ATP2C2: variants seen among roughly 807,000 people sequenced by gnomAD.
ATP2C2 encodes ATPase secretory pathway Ca2+ transporting 2, also known as calcium-transporting ATPase type 2C member 2.
ATP2C2 carries 171 observed loss-of-function variants against 110.8 expected under a neutral mutation model. The observed-to-expected ratio is 1.54, with a 90% CI of 1.36 to 1.75. The LOEUF (loss-of-function observed/expected upper bound fraction) is 1.75. ATP2C2 is among the 40% of genes most tolerant of loss of function. The pLI is 0.00. For missense variants in ATP2C2, 1,963 were observed against 1,235.0 expected (o/e 1.59, Z -8.84); for synonymous variants, 804 against 508.4 (o/e 1.58, Z -7.82).
Position 84,452,690 on chromosome 16 carries a change from G to A in ATP2C2, c.1832-448G>A, listed in dbSNP as rs181004819. Among the ~76,000 whole-genome samples the A allele has an allele frequency of 7.9e-5, 12 of 152,042 alleles. No homozygotes were observed. In the East Asian group the frequency reaches 1.9e-3, roughly 25 times the overall value. On this transcript the variant is annotated intron_variant, in intron 18 of 26. Coordinates refer to ENST00000262429, the MANE Select transcript of ATP2C2 (RefSeq NM_014861.4). ...ATTTTTTGTATTTTAGTAGAGACGGGGTTTCACTGTGTTGCCCAGGCTGGT... is the reference window on the plus strand; with the variant it reads ...ATTTTTTGTATTTTAGTAGAGACGGAGTTTCACTGTGTTGCCCAGGCTGGT...
rs1909200903 is a variant in ATP2C2 at position 84,440,969 on chromosome 16, A to G, written c.1311+11A>G. 1.3e-6 allele frequency: 2 copies of G among 1,598,634 alleles called. No individual in the cohort carries two copies. Among genetic ancestry groups the G allele is most frequent in the South Asian group, 2.2e-5 (2 of 89,338 alleles). Reference sequence around the variant, plus strand: ...GGAAAGTTAGTGGAGGTAGGTGTCAAAAGCGCCATGAGGGAAATAGGCATT... The same window carrying G: ...GGAAAGTTAGTGGAGGTAGGTGTCAGAAGCGCCATGAGGGAAATAGGCATT... On this transcript the variant is annotated intron_variant, in intron 14 of 26. Coordinates refer to ENST00000262429, the MANE Select transcript of ATP2C2 (RefSeq NM_014861.4).
At chr16:84,448,816 C>T in intron 17 of ATP2C2, 127 bp downstream of exon 17, 1 of 1,293,086 alleles carries the variant, frequency 7.7e-7, no homozygotes, top group Non-Finnish European at 1.1e-6. Context: ...ATGCTGACGG[C>T]AATAATGTGT....
chr16:84,430,876 C>G (rs2150555448), intron 11 of ATP2C2, among the ~76,000 whole-genome samples: 1 of 152,170 alleles, frequency 6.6e-6, no homozygotes, highest in South Asian at 2.1e-4. Context: ...GAAGCCTGAT[C>G]CAAAGCCGGG....
rs533445597 is a variant in ATP2C2 at position 84,452,030 on chromosome 16, C to T, written c.1770C>T (p.Ser590=). Residue 590 remains serine (S), a synonymous_variant, in exon 18 of 27, where the codon TCC becomes TCT. Transcript: ENST00000262429. ...VGVKEAVQVL[S]ESGVSVKMIT... Reference sequence around the variant, plus strand: ...TGAAGGAAGCAGTCCAGGTTCTCTCCGAGTCTGGTGTGTCTGTGAAGATGA... The same window carrying T: ...TGAAGGAAGCAGTCCAGGTTCTCTCTGAGTCTGGTGTGTCTGTGAAGATGA... 34 of 1,613,736 alleles carry T rather than the reference C, an allele frequency of 2.1e-5. No individual in the cohort carries two copies. In the East Asian group the frequency reaches 3.8e-4, roughly 18 times the overall value.
rs751719551 is a variant in ATP2C2, at chr16:84,463,664, C to T, written c.2773C>T (p.Leu925Phe). Residue 925 changes from leucine to phenylalanine, a missense_variant, in exon 27 of 27, where the codon CTC becomes TTC. Physicochemically the swap from Leu to Phe is conservative, Grantham distance 22. Transcript: ENST00000262429. ...LASSVFILSE[L>F]LKLCEKYCCS... is the part of the protein sequence containing the mutation. The stretch of plus-strand genomic sequence containing the variant: ...CTCATCCGTCTTCATTTTGTCAGAG[C>T]TCCTCAAACTATGTGAAAAATACTG... 2 of 1,614,098 alleles carry T rather than the reference C, an allele frequency of 1.2e-6. No homozygotes were observed. Among genetic ancestry groups the T allele is most frequent in the Admixed American group, 1.7e-5 (1 of 60,004 alleles).
intron 1 of ATP2C2, among the ~76,000 whole-genome samples, chr16:84,375,291 C>T (rs1910185917): frequency 1.3e-5 from 2 of 152,130 alleles, no homozygotes; most frequent in African/African-American, 4.8e-5. Context: ...CCTGTAATCC[C>T]AGCACTTTGG....
chr16:84,409,710 C>T (rs1423110827), intron 4 of ATP2C2, among the ~76,000 whole-genome samples: 1 of 151,870 alleles, frequency 6.6e-6, no homozygotes. Context: ...CCTGTGTTGG[C>T]CAGGCTGATG....
chr16:84,460,677 A>C lies in ATP2C2; in HGVS notation c.2357A>C (p.Lys786Thr), dbSNP rs763648114. The change falls in exon 24 of 27, where the codon AAA becomes ACA. Residue 786 changes from lysine (K) to threonine (T), a missense_variant. Physicochemically the swap from Lys to Thr is moderately conservative, Grantham distance 78. Coordinates refer to ENST00000262429, the MANE Select transcript of ATP2C2 (RefSeq NM_014861.4). Reference sequence around the variant, plus strand: ...AGCTTGGGGGTAGAGCCCGTTGACAAAGACGCCTTCAGGCAGCCACCACGG... The same window carrying C: ...AGCTTGGGGGTAGAGCCCGTTGACACAGACGCCTTCAGGCAGCCACCACGG... ...AQSLGVEPVDKDAFRQPPRSV... is the reference protein window; with the variant it reads ...AQSLGVEPVDTDAFRQPPRSV... 1.2e-6 allele frequency: 2 copies of C among 1,614,192 alleles called. No homozygotes were observed. The highest frequency in any genetic ancestry group is 3.3e-5 in the Admixed American group (2 of 60,022).
At position 84,446,402 on chromosome 16, in the gene ATP2C2, T is replaced by A; in HGVS notation, c.1475T>A (p.Met492Lys). ...EIPFSSEQKW[M>K]AVKCSLKTED... is the part of the protein sequence containing the mutation. ...CCATTCAGTTCAGAGCAGAAGTGGA[T>A]GGCGGTGAAATGCAGTCTGAAGACT... Residue 492 changes from methionine to lysine, a missense_variant, in exon 16 of 27, where the codon ATG becomes AAG. Transcript: ENST00000262429. 6.2e-7 allele frequency: 1 copy of A among 1,606,882 alleles called. No individual in the cohort carries two copies.
At chr16:84,391,044 G>A (rs1049213973) in intron 1 of ATP2C2, among the ~76,000 whole-genome samples, 2 of 144,104 alleles carry the variant, frequency 1.4e-5, no homozygotes, top group Non-Finnish European at 3.0e-5. Context: ...AGCCCTGGGG[G>A]CAGAGGTTGC....
chr16:84,417,370 G>A (rs1191032330), intron 7 of ATP2C2, among the ~76,000 whole-genome samples: 2 of 152,138 alleles, frequency 1.3e-5, no homozygotes, highest in East Asian at 3.9e-4. Context: ...CTCTAAAAGG[G>A]GCTGATGTTG....
intron 3 of ATP2C2, chr16:84,406,506 T>A: frequency 1.2e-6 from 1 of 829,804 alleles, no homozygotes; most frequent in African/African-American, 1.9e-5. Context: ...CCTCCATTGG[T>A]CGATTCCGGA....
At chr16:84,449,618 C>T (rs765807530) in intron 17 of ATP2C2, among the ~76,000 whole-genome samples, 6 of 152,170 alleles carry the variant, frequency 3.9e-5, no homozygotes, top group Admixed American at 6.5e-5. Flanking sequence ...CCAGGCCCAG[C>T]TTCTGCGAGC....
chr16:84,405,309 C>T, intron 3 of ATP2C2, 65 bp downstream of exon 3: 1 of 1,391,666 alleles, frequency 7.2e-7, no homozygotes, highest in Non-Finnish European at 1.0e-6. Context: ...GGCAGCCATT[C>T]CATCTTTCAA....
At position 84,452,051 on chromosome 16, in the gene ATP2C2, G is replaced by C; in HGVS notation, c.1791G>C (p.Lys597Asn). 6.2e-7 allele frequency: 1 copy of C among 1,613,964 alleles called. No individual in the cohort carries two copies. The highest frequency in any genetic ancestry group is 8.5e-7 in the Non-Finnish European group (1 of 1,179,978). Residue 597 changes from lysine to asparagine, a missense_variant, in exon 18 of 27, where the codon AAG becomes AAC. By Grantham distance (94) the Lys-to-Asn change is moderately conservative (BLOSUM62 0). Transcript: ENST00000262429. Reference protein sequence around the residue: ...QVLSESGVSVKMITGDALETA... With the variant: ...QVLSESGVSVNMITGDALETA... ...TCTCCGAGTCTGGTGTGTCTGTGAA[G>C]ATGATAACGGGGGATGCCCTGGAGA...
At chr16:84,446,228 G>A (rs1219560446) in intron 15 of ATP2C2, 101 bp from the exon 16 acceptor site, 16 of 565,686 alleles carry the variant, frequency 2.8e-5, no homozygotes, top group Non-Finnish European at 4.0e-5. Flanking sequence ...TTTCTTATCT[G>A]CCAGAGGTGG....
chr16:84,453,600 T>C (rs1910520871), intron 20 of ATP2C2, among the ~76,000 whole-genome samples: 1 of 152,126 alleles, frequency 6.6e-6, no homozygotes, highest in South Asian at 2.1e-4. Context: ...GGCTCTGAAG[T>C]TGCCAGCAAC....
At chr16:84,369,918 A>G (rs1424856713) in intron 1 of ATP2C2, among the ~76,000 whole-genome samples, 2 of 152,232 alleles carry the variant, frequency 1.3e-5, no homozygotes, top group Admixed American at 6.5e-5. Flanking sequence ...TTGATAGGAT[A>G]TAGAGTTCAA....
At chr16:84,444,234 A>C (rs939241585) in intron 15 of ATP2C2, among the ~76,000 whole-genome samples, 3 of 150,908 alleles carry the variant, frequency 2.0e-5, no homozygotes, top group African/African-American at 7.3e-5. Flanking sequence ...ACACTTTGGG[A>C]GACCGAGGCA....
Sources: allele counts gnomAD v4.1 joint callset (sites outside exome capture counted in the v4.1 genomes callset), GRCh38; gene constraint gnomAD v4.1.1; transcripts MANE v1.5; gene names NCBI Gene and HGNC (gene_info 2026-07-23, HGNC 2026-07-21).